The following DRC11 variants were observed in gnomAD, a reference collection of about 807,000 sequenced individuals.
The protein encoded by DRC11 is dynein regulatory complex subunit 11.
At chr2:236,429,414 AG>A in the DRC11 span, among the ~76,000 whole-genome samples, 31 of 152,294 alleles carry the variant, frequency 2.0e-4, no homozygotes, top group South Asian at 6.0e-3. The surrounding 1 kb of genome is among the most constrained non-coding windows in gnomAD (Gnocchi z 5.9). Flanking sequence ...ATGTAGCTAC[AG>A]GGACCAGCTC....
At chr2:236,344,847 A>G in the DRC11 span, among the ~76,000 whole-genome samples, 36 of 94,308 alleles carry the variant, frequency 3.8e-4, no homozygotes, top group East Asian at 6.5e-4. Context: ...CTTCCCTCTC[A>G]GGTGTGCAGA....
the DRC11 span, among the ~76,000 whole-genome samples, chr2:236,311,584 G>A: frequency 1.3e-5 from 2 of 152,302 alleles, 1 homozygote; most frequent in South Asian, 4.1e-4. This position sits in a 1 kb window ranked among gnomAD's most constrained non-coding sequence, Gnocchi z 6.9. Flanking sequence ...AGCAGAGGGT[G>A]GTCCCAGTGA....
the DRC11 span, among the ~76,000 whole-genome samples, chr2:236,458,097 G>A: frequency 6.6e-6 from 1 of 152,106 alleles, no homozygotes. Flanking sequence ...TAATTACAAA[G>A]GAGGCCAGGG....
chr2:236,320,500 C>A, the DRC11 span, among the ~76,000 whole-genome samples: 1 of 152,280 alleles, frequency 6.6e-6, no homozygotes, highest in East Asian at 1.9e-4. Context: ...AGCATCAGGG[C>A]CTTTCAATTT....
the DRC11 span, among the ~76,000 whole-genome samples, chr2:236,444,013 T>C: frequency 6.6e-6 from 1 of 151,862 alleles, no homozygotes; most frequent in Non-Finnish European, 1.5e-5. Flanking sequence ...TCTGTTCATG[T>C]CTTTTGCCCA....
chr2:236,396,972 G>A, the DRC11 span, among the ~76,000 whole-genome samples: 1 of 152,118 alleles, frequency 6.6e-6, no homozygotes, highest in African/African-American at 2.4e-5. Flanking sequence ...GGGCAGAGGG[G>A]GACTGTCACT....
chr2:236,309,633 G>A, the DRC11 span, among the ~76,000 whole-genome samples: 802 of 152,256 alleles, frequency 5.3e-3, 8 homozygotes, highest in African/African-American at 0.019. The surrounding 1 kb of genome is among the most constrained non-coding windows in gnomAD (Gnocchi z 5.7). Context: ...AAAATGACAC[G>A]TCTCCATCTT....
At chr2:236,459,586 T>C in the DRC11 span, among the ~76,000 whole-genome samples, 2 of 145,686 alleles carry the variant, frequency 1.4e-5, no homozygotes, top group African/African-American at 2.5e-5. Context: ...CATACGTATA[T>C]ACGTATACGT....
chr2:236,405,167 C>T, the DRC11 span, among the ~76,000 whole-genome samples: 1 of 152,056 alleles, frequency 6.6e-6, no homozygotes, highest in African/African-American at 2.4e-5. This position sits in a 1 kb window ranked among gnomAD's most constrained non-coding sequence, Gnocchi z 4.6. Flanking sequence ...TACATTTGGC[C>T]CACCTAAGTG....
the DRC11 span, among the ~76,000 whole-genome samples, chr2:236,357,168 CTA>C: frequency 1.7e-4 from 14 of 80,512 alleles, 2 homozygotes; most frequent in Admixed American, 3.7e-4. Context: ...TCATATATAT[CTA>C]TATATTATAT....
chr2:236,369,827 C>A, the DRC11 span, among the ~76,000 whole-genome samples: 3 of 152,264 alleles, frequency 2.0e-5, no homozygotes, highest in South Asian at 6.2e-4. This position sits in a 1 kb window ranked among gnomAD's most constrained non-coding sequence, Gnocchi z 4.5. Flanking sequence ...TCCAGCATTC[C>A]CGGCACAGAC....
chr2:236,319,944 T>G, the DRC11 span, among the ~76,000 whole-genome samples: 3 of 152,222 alleles, frequency 2.0e-5, no homozygotes, highest in African/African-American at 7.2e-5. The surrounding 1 kb of genome is among the most constrained non-coding windows in gnomAD (Gnocchi z 6.7). Flanking sequence ...TTCATTTGTA[T>G]GACCATTTTC....
chr2:236,471,064 G>C, the DRC11 span, among the ~76,000 whole-genome samples: 1 of 152,180 alleles, frequency 6.6e-6, no homozygotes, highest in African/African-American at 2.4e-5. The surrounding 1 kb of genome is among the most constrained non-coding windows in gnomAD (Gnocchi z 4.6). Context: ...TGGTTGAAAA[G>C]TATTAACTCC....
the DRC11 span, among the ~76,000 whole-genome samples, chr2:236,507,064 G>C: frequency 2.0e-5 from 3 of 152,016 alleles, no homozygotes; most frequent in Admixed American, 6.6e-5. Flanking sequence ...GATTTTCCTT[G>C]CTCACAAGAA....
At chr2:236,464,452 T>C in the DRC11 span, among the ~76,000 whole-genome samples, 1 of 152,308 alleles carries the variant, frequency 6.6e-6, no homozygotes, top group East Asian at 1.9e-4. Context: ...ATAAAATTGA[T>C]TTAAAATCTC....
the DRC11 span, among the ~76,000 whole-genome samples, chr2:236,375,711 G>A: frequency 6.6e-6 from 1 of 152,148 alleles, no homozygotes; most frequent in Non-Finnish European, 1.5e-5. The surrounding 1 kb of genome is among the most constrained non-coding windows in gnomAD (Gnocchi z 4.2). Context: ...TTGGGTCAAT[G>A]TAAATACCAG....
At chr2:236,416,753 A>ATT in the DRC11 span, among the ~76,000 whole-genome samples, 1 of 79,214 alleles carries the variant, frequency 1.3e-5, no homozygotes, top group East Asian at 3.6e-4. Flanking sequence ...ATATATATAT[A>ATT]TATATATATA....
At chr2:236,465,567 T>C in the DRC11 span, 2 of 1,614,030 alleles carry the variant, frequency 1.2e-6, no homozygotes, top group Middle Eastern at 1.6e-4. This position sits in a 1 kb window ranked among gnomAD's most constrained non-coding sequence, Gnocchi z 6.2. Flanking sequence ...CCACGCCTTC[T>C]ATCAACTTTA....
At chr2:236,331,161 A>G in the DRC11 span, among the ~76,000 whole-genome samples, 1 of 152,194 alleles carries the variant, frequency 6.6e-6, no homozygotes, top group East Asian at 1.9e-4. The surrounding 1 kb of genome is among the most constrained non-coding windows in gnomAD (Gnocchi z 4.8). Context: ...AAGGCCACAC[A>G]CCATGGTTTT....
Sources: gnomAD v4.1 joint callset for allele counts (sites outside exome capture counted in the v4.1 genomes callset) on GRCh38, gnomAD v4.1.1 for gene constraint, Gnocchi (gnomAD v3.1) non-coding constraint, MANE v1.5 for transcripts, NCBI Gene and HGNC (gene_info 2026-07-23, HGNC 2026-07-21) for gene names.